The following TSHZ2 variants were observed in gnomAD, a reference collection of about 807,000 sequenced individuals.
TSHZ2 encodes teashirt zinc finger homeobox 2, also known as teashirt homolog 2.
Under a neutral mutation model 74.4 loss-of-function variants are expected in TSHZ2, and 21 were observed. The observed-to-expected ratio is 0.28, with a 90% CI of 0.20 to 0.41. The LOEUF (loss-of-function observed/expected upper bound fraction) is 0.41. Among genes scored for constraint, TSHZ2 ranks in the 10% least tolerant of loss-of-function variants. TSHZ2 has a pLI of 1.00. For missense variants in TSHZ2, 1,244 were observed against 1,293.5 expected (o/e 0.96, Z 0.59); for synonymous variants, 540 against 515.3 (o/e 1.05, Z -0.65).
chr20:53,123,412 G>A (rs1206104970), intron 1 of TSHZ2, among the ~76,000 whole-genome samples: 2 of 152,144 alleles, frequency 1.3e-5, no homozygotes, highest in African/African-American at 4.8e-5. Context: ...TGGACTCACT[G>A]ACATGTTTAG....
intron 2 of TSHZ2, among the ~76,000 whole-genome samples, chr20:53,265,930 A>G (rs757917684): frequency 7.2e-5 from 11 of 151,864 alleles, no homozygotes; most frequent in Non-Finnish European, 1.5e-4. Flanking sequence ...CTTTTTACCA[A>G]TATTTGTCAG....
At chr20:53,062,750 A>G (rs368745439) in intron 1 of TSHZ2, among the ~76,000 whole-genome samples, 9 of 152,190 alleles carry the variant, frequency 5.9e-5, no homozygotes, top group Non-Finnish European at 1.3e-4. Context: ...GTAGAGTAGA[A>G]CTTTTTATTT....
intron 2 of TSHZ2, among the ~76,000 whole-genome samples, chr20:53,280,856 C>G (rs1236413137): frequency 1.3e-5 from 2 of 152,080 alleles, no homozygotes; most frequent in Non-Finnish European, 2.9e-5. Context: ...CGACACCCAG[C>G]TAATTTTTTC....
intron 1 of TSHZ2, among the ~76,000 whole-genome samples, chr20:53,011,430 C>A (rs552716478): frequency 7.9e-5 from 12 of 152,246 alleles, no homozygotes; most frequent in African/African-American, 2.9e-4. Context: ...TATAACAGGA[C>A]CAACAGTGTT....
rs146865975 is a variant in TSHZ2 at position 53,007,607 on chromosome 20, TTG to T, written c.40+34291_40+34292del. Among the ~76,000 whole-genome samples, 22 of 149,932 alleles carry T rather than the reference TTG, an allele frequency of 1.5e-4. No individual in the cohort carries two copies. The South Asian group carries it at 1.5e-3, about 10-fold the overall frequency. On this transcript the variant is annotated intron_variant, in intron 1 of 2. Coordinates refer to ENST00000371497, the MANE Select transcript of TSHZ2 (RefSeq NM_173485.6). ...AGTCATCCAAGAAAGAAATGTGTGT[TTG>T]TGTGTGTGTGTGTGTGAGTATGTGT...
intron 2 of TSHZ2, among the ~76,000 whole-genome samples, chr20:53,300,438 TG>T (rs1490690683): frequency 6.6e-6 from 1 of 152,200 alleles, no homozygotes; most frequent in Non-Finnish European, 1.5e-5. Context: ...TCAAACTTCT[TG>T]AGAAAGGCAA....
intron 1 of TSHZ2, among the ~76,000 whole-genome samples, chr20:53,187,417 G>T (rs1037283579): frequency 6.6e-6 from 1 of 152,308 alleles, no homozygotes; most frequent in South Asian, 2.1e-4. Flanking sequence ...AAGCAAACCG[G>T]TGTCTCGAGC....
intron 1 of TSHZ2, among the ~76,000 whole-genome samples, chr20:52,981,415 A>G (rs1981565330): frequency 6.6e-6 from 1 of 152,150 alleles, no homozygotes; most frequent in Non-Finnish European, 1.5e-5. Context: ...GGGCAATCAT[A>G]TGTTCCAGGT....
At chr20:53,246,914 T>C (rs553828806) in intron 1 of TSHZ2, among the ~76,000 whole-genome samples, 5 of 152,198 alleles carry the variant, frequency 3.3e-5, no homozygotes, top group Non-Finnish European at 7.3e-5. Flanking sequence ...GCGGTACATG[T>C]AAAGCATTCC....
chr20:53,104,587 G>T (rs1366737770), intron 1 of TSHZ2, among the ~76,000 whole-genome samples: 3 of 152,178 alleles, frequency 2.0e-5, no homozygotes, highest in Admixed American at 1.3e-4. Flanking sequence ...GAAGAAAAAG[G>T]ACACTGTGGT....
chr20:53,178,868 T>C (rs1988405711), intron 1 of TSHZ2: 1 of 152,246 alleles, frequency 6.6e-6, no homozygotes, highest in African/African-American at 2.4e-5. Flanking sequence ...ATATCCTTTT[T>C]CATTTTCTTC....
intron 2 of TSHZ2, among the ~76,000 whole-genome samples, chr20:53,321,003 T>C (rs1979237115): frequency 6.6e-6 from 1 of 152,198 alleles, no homozygotes; most frequent in Non-Finnish European, 1.5e-5. Flanking sequence ...AAATGAGATT[T>C]CCATAAAGTT....
chr20:53,252,139 T>TTCA (rs1355367306), intron 1 of TSHZ2, among the ~76,000 whole-genome samples: 1 of 152,262 alleles, frequency 6.6e-6, no homozygotes, highest in Non-Finnish European at 1.5e-5. Flanking sequence ...ATTCTTTATC[T>TTCA]TCAGCAGCAG....
chr20:53,409,176 T>A (rs1256113662), intron 2 of TSHZ2, among the ~76,000 whole-genome samples: 2 of 152,130 alleles, frequency 1.3e-5, no homozygotes, highest in Non-Finnish European at 2.9e-5. Flanking sequence ...ATGATGACAC[T>A]AATAAGGAAA....
chr20:53,023,142 C>A (rs1270749494), intron 1 of TSHZ2, among the ~76,000 whole-genome samples: 1 of 152,118 alleles, frequency 6.6e-6, no homozygotes, highest in African/African-American at 2.4e-5. Flanking sequence ...GGAAGTCTTG[C>A]TTGAATTATA....
rs990571687 is a variant in TSHZ2 at position 53,081,653 on chromosome 20, A to G, written c.40+108320A>G. ...GGCTCTTTATTAAGGTAAAATACTT[A>G]TTTATCACGGTGTTTATAAATTTTT... On this transcript the variant is annotated intron_variant, in intron 1 of 2. Coordinates refer to ENST00000371497, the MANE Select transcript of TSHZ2 (RefSeq NM_173485.6). 3.3e-5 allele frequency among the ~76,000 whole-genome samples: 5 copies of G among 152,308 alleles called. No individual in the cohort carries two copies. The East Asian group carries it at 9.7e-4, about 29-fold the overall frequency.
chr20:53,427,574 G>A (rs1983698831), intron 2 of TSHZ2, among the ~76,000 whole-genome samples: 2 of 152,222 alleles, frequency 1.3e-5, no homozygotes, highest in Admixed American at 1.3e-4. Flanking sequence ...AACAAGCCCA[G>A]GGTGGTTGGA....
intron 2 of TSHZ2, among the ~76,000 whole-genome samples, chr20:53,428,645 A>C (rs981176866): frequency 2.6e-5 from 4 of 152,210 alleles, no homozygotes; most frequent in African/African-American, 9.6e-5. Context: ...ACAAATGGGA[A>C]ATTGTAATCC....
At chr20:52,984,276 T>C (rs572266289) in intron 1 of TSHZ2, among the ~76,000 whole-genome samples, 86 of 152,160 alleles carry the variant, frequency 5.7e-4, no homozygotes, top group African/African-American at 2.0e-3. Context: ...GGAGCTTACA[T>C]TGAGTGCGGA....
Sources: allele counts gnomAD v4.1 joint callset (sites outside exome capture counted in the v4.1 genomes callset), GRCh38; gene constraint gnomAD v4.1.1; transcripts MANE v1.5; gene names NCBI Gene and HGNC (gene_info 2026-07-23, HGNC 2026-07-21).